MYO1D: variants seen among roughly 807,000 people sequenced by gnomAD.
MYO1D encodes the protein myosin ID, also known as unconventional myosin-Id.
A neutral mutation model predicts 122.0 loss-of-function variants in MYO1D; 83 were observed. The ratio of observed to expected loss-of-function variants is 0.68; its 90% CI spans 0.57 to 0.82. The LOEUF (loss-of-function observed/expected upper bound fraction) is 0.82, where lower values mean the gene tolerates loss of function less well. MYO1D is among the 40% of genes least tolerant of loss of function. The pLI, the probability that MYO1D is intolerant of heterozygous loss-of-function variation, is 0.00. For missense variants in MYO1D, 1,157 were observed against 1,269.5 expected (o/e 0.91, Z 1.35); for synonymous variants, 464 against 446.9 (o/e 1.04, Z -0.48).
intron 16 of MYO1D, among the ~76,000 whole-genome samples, chr17:32,706,148 T>G (rs958047491): frequency 6.6e-6 from 1 of 152,094 alleles, no homozygotes; most frequent in African/African-American, 2.4e-5. Flanking sequence ...CACTCTGTCA[T>G]CCAGGCTGGA....
intron 21 of MYO1D, among the ~76,000 whole-genome samples, chr17:32,586,219 C>T (rs1378492796): frequency 6.6e-6 from 1 of 152,156 alleles, no homozygotes; most frequent in African/African-American, 2.4e-5. Context: ...CTAGAAAATA[C>T]TATGTCCCTC....
At chr17:32,766,745 T>C (rs1001096121) in intron 7 of MYO1D, among the ~76,000 whole-genome samples, 4 of 151,946 alleles carry the variant, frequency 2.6e-5, no homozygotes, top group African/African-American at 7.2e-5. Flanking sequence ...TGAGCCTAGA[T>C]TGCACCACTG....
At chr17:32,829,298 C>T (rs1323955526) in intron 1 of MYO1D, among the ~76,000 whole-genome samples, 2 of 152,162 alleles carry the variant, frequency 1.3e-5, no homozygotes, top group Non-Finnish European at 2.9e-5. Context: ...GAACATCAGA[C>T]AAAGTCATTT....
intron 1 of MYO1D, among the ~76,000 whole-genome samples, chr17:32,851,097 T>C (rs1237534549): frequency 1.3e-5 from 2 of 152,142 alleles, no homozygotes; most frequent in Admixed American, 1.3e-4. Context: ...CATTGTCTGG[T>C]GATCCTTGTA....
At chr17:32,783,684 T>C (rs898262315) in intron 1 of MYO1D, among the ~76,000 whole-genome samples, 25 of 152,236 alleles carry the variant, frequency 1.6e-4, no homozygotes, top group Admixed American at 1.6e-3. Flanking sequence ...TTCAATTTGG[T>C]TGGGTCTTAA....
At chr17:32,734,506 G>A (rs1298609085) in intron 14 of MYO1D, among the ~76,000 whole-genome samples, 2 of 151,940 alleles carry the variant, frequency 1.3e-5, no homozygotes, top group Non-Finnish European at 2.9e-5. Context: ...GGCTTCTTAA[G>A]TTGTGCTTAG....
chr17:32,560,745 G>A (rs547681677), intron 21 of MYO1D, among the ~76,000 whole-genome samples: 1 of 150,576 alleles, frequency 6.6e-6, no homozygotes, highest in East Asian at 2.0e-4. Flanking sequence ...TCAGCCTACT[G>A]AGTAGCTGGG....
intron 21 of MYO1D, among the ~76,000 whole-genome samples, chr17:32,599,269 T>C (rs2087533437): frequency 6.6e-6 from 1 of 152,232 alleles, no homozygotes; most frequent in African/African-American, 2.4e-5. Flanking sequence ...TCATCAGGTG[T>C]AGATTCCATC....
intron 3 of MYO1D, among the ~76,000 whole-genome samples, chr17:32,777,562 A>G (rs2090187198): frequency 6.6e-6 from 1 of 152,156 alleles, no homozygotes; most frequent in African/African-American, 2.4e-5. Flanking sequence ...CTGCTCCCCT[A>G]AATGCTGGGC....
intron 16 of MYO1D, among the ~76,000 whole-genome samples, chr17:32,685,457 G>A (rs993890483): frequency 1.3e-5 from 2 of 152,198 alleles, no homozygotes; most frequent in African/African-American, 4.8e-5. Context: ...CAGATATTCT[G>A]TTCTTCCAAA....
At chr17:32,571,224 G>C (rs73278220) in intron 21 of MYO1D, among the ~76,000 whole-genome samples, 25 of 152,074 alleles carry the variant, frequency 1.6e-4, no homozygotes, top group Non-Finnish European at 3.2e-4. Flanking sequence ...GAGGAGATGT[G>C]GGGGAGTGGG....
intron 1 of MYO1D, among the ~76,000 whole-genome samples, chr17:32,818,794 T>C (rs2090635871): frequency 6.6e-6 from 1 of 152,228 alleles, no homozygotes; most frequent in Non-Finnish European, 1.5e-5. Context: ...AGACTAAGTA[T>C]GCAATAGGAT....
At chr17:32,846,334 C>T (rs1357747262) in intron 1 of MYO1D, among the ~76,000 whole-genome samples, 1 of 152,222 alleles carries the variant, frequency 6.6e-6, no homozygotes, top group Non-Finnish European at 1.5e-5. Flanking sequence ...TGTGATCACA[C>T]ACAGGACTAT....
chr17:32,835,631 T>C (rs2090814808), intron 1 of MYO1D, among the ~76,000 whole-genome samples: 1 of 152,188 alleles, frequency 6.6e-6, no homozygotes, highest in South Asian at 2.1e-4. Context: ...CTTGTTCACA[T>C]GGATGCCTTC....
chr17:32,531,641 C>A (rs1292613883), intron 21 of MYO1D: 1 of 152,186 alleles, frequency 6.6e-6, no homozygotes, highest in Non-Finnish European at 1.5e-5. Flanking sequence ...CATTAATCCC[C>A]AATTTTCTAA....
At chr17:32,857,654 C>G (rs557051899) in intron 1 of MYO1D, among the ~76,000 whole-genome samples, 13 of 152,014 alleles carry the variant, frequency 8.6e-5, no homozygotes, top group Non-Finnish European at 1.6e-4. Flanking sequence ...CTGAACATGT[C>G]ACAACCATTC....
chr17:32,808,152 C>T (rs2470229), intron 1 of MYO1D, among the ~76,000 whole-genome samples: 70,650 of 151,726 alleles, frequency 0.47, 16,591 homozygotes, highest in East Asian at 0.53. Flanking sequence ...GGTGGGAGGA[C>T]TGTTTGAGGT....
At chr17:32,778,443 T>A (rs773606616) in intron 3 of MYO1D, 37 bp downstream of exon 3, 1 of 1,573,968 alleles carries the variant, frequency 6.4e-7, no homozygotes, top group East Asian at 2.2e-5. Context: ...GAAAACAGAG[T>A]GCTAAGAATT....
chr17:32,872,862 A>G (rs1412722636), intron 1 of MYO1D, among the ~76,000 whole-genome samples: 1 of 148,516 alleles, frequency 6.7e-6, no homozygotes, highest in Admixed American at 6.7e-5. Context: ...GCGCCCGGCT[A>G]ATTTTTTGTA....
Sources: gnomAD v4.1 joint callset for allele counts (sites outside exome capture counted in the v4.1 genomes callset) on GRCh38, gnomAD v4.1.1 for gene constraint, MANE v1.5 for transcripts, NCBI Gene and HGNC (gene_info 2026-07-23, HGNC 2026-07-21) for gene names.